Variants in RASAL2 observed in about 807,000 individuals in gnomAD.
RASAL2 encodes the protein ras GTPase-activating protein nGAP.
In RASAL2, 58 loss-of-function variants were observed where a neutral mutation model predicts 128.9. The ratio of observed to expected loss-of-function variants is 0.45; its 90% CI spans 0.36 to 0.56. The LOEUF (loss-of-function observed/expected upper bound fraction) is 0.56. RASAL2 is among the 20% of genes least tolerant of loss of function. The probability of loss-of-function intolerance (pLI) is 0.00; values close to 1 mark genes in which losing one functional copy is unlikely to be tolerated. For synonymous variants in RASAL2, 561 were observed against 580.8 expected, an observed-to-expected ratio of 0.97 and a Z score of 0.49; for missense variants, 1,360 against 1,601.6, an observed-to-expected ratio of 0.85 and a Z score of 2.57.
At chr1:178,426,845 A>C (rs920433456) in intron 5 of RASAL2, among the ~76,000 whole-genome samples, 1 of 152,182 alleles carries the variant, frequency 6.6e-6, no homozygotes, top group African/African-American at 2.4e-5. Flanking sequence ...AGGAGCCTTT[A>C]AACATTTTTG....
intron 1 of RASAL2, among the ~76,000 whole-genome samples, chr1:178,262,257 A>G (rs1665732821): frequency 6.6e-6 from 1 of 152,178 alleles, no homozygotes; most frequent in African/African-American, 2.4e-5. Context: ...AATGCAGGGT[A>G]TTTAAAGTTC....
intron 17 of RASAL2, among the ~76,000 whole-genome samples, chr1:178,471,876 TG>T (rs1162573891): frequency 6.6e-6 from 1 of 152,194 alleles, no homozygotes; most frequent in Non-Finnish European, 1.5e-5. Context: ...GCACCAGCCC[TG>T]AGCCCTGCTA....
chr1:178,096,803 C>G (rs1571465904), intron 1 of RASAL2, among the ~76,000 whole-genome samples: 2 of 151,986 alleles, frequency 1.3e-5, no homozygotes, highest in Non-Finnish European at 2.9e-5. Flanking sequence ...TTGCTACTTT[C>G]CTTCCTCTGA....
At chr1:178,342,481 G>A (rs1669935171) in intron 3 of RASAL2, among the ~76,000 whole-genome samples, 1 of 152,112 alleles carries the variant, frequency 6.6e-6, no homozygotes, top group South Asian at 2.1e-4. Context: ...GAAATCTTAT[G>A]GAGAGGAGGT....
chr1:178,117,108 A>G (rs185209892), intron 1 of RASAL2, among the ~76,000 whole-genome samples: 58 of 152,350 alleles, frequency 3.8e-4, no homozygotes, highest in Admixed American at 3.4e-3. Flanking sequence ...CATATATTGA[A>G]GAACACTTAT....
chr1:178,270,838 A>G (rs2102171151), intron 1 of RASAL2, among the ~76,000 whole-genome samples: 1 of 152,174 alleles, frequency 6.6e-6, no homozygotes, highest in African/African-American at 2.4e-5. Flanking sequence ...TAGTATCTTT[A>G]GTTCTTTTCT....
In RASAL2 at chr1:178,225,521, T is replaced by C. The variant is rs571514675; in HGVS notation, c.203-58043T>C. ...TATACATTTATCTCTTACATTTTTT[T>C]CTTGTCACTGTTATGAATGTAGTAT... On this transcript the variant is annotated intron_variant, in intron 1 of 17. Coordinates refer to ENST00000367649, the MANE Select transcript of RASAL2 (RefSeq NM_170692.4). Among the ~76,000 whole-genome samples the C allele has an allele frequency of 3.3e-5, 5 of 152,142 alleles. 1 individual carries two copies. In the East Asian group the frequency reaches 9.7e-4, roughly 29 times the overall value.
At chr1:178,162,017 T>G (rs1661320374) in intron 1 of RASAL2, among the ~76,000 whole-genome samples, 1 of 150,834 alleles carries the variant, frequency 6.6e-6, no homozygotes, top group Non-Finnish European at 1.5e-5. Flanking sequence ...CAGGCTGGAG[T>G]GCAGTGGTGT....
intron 1 of RASAL2, among the ~76,000 whole-genome samples, chr1:178,224,763 A>G (rs1385990282): frequency 6.6e-6 from 1 of 152,194 alleles, no homozygotes; most frequent in African/African-American, 2.4e-5. Flanking sequence ...AAGTTGTGTC[A>G]TAAAATAGGA....
At chr1:178,464,831 G>GTTTTTTTTTT (rs986789340) in intron 15 of RASAL2, among the ~76,000 whole-genome samples, 1,780 of 38,026 alleles carry the variant, frequency 0.047, 9 homozygotes, top group East Asian at 0.07. Flanking sequence ...GGTTTTAGTT[G>GTTTTTTTTTT]TTTTTTTTTT....
In RASAL2 at chr1:178,443,054, C is replaced by T. The variant is rs776175595; in HGVS notation, c.1307C>T (p.Ser436Leu). The change falls in exon 8 of 18, where the codon TCA becomes TTA. Residue 436 changes from serine to leucine, a missense_variant. Ser to Leu is a moderately radical substitution (Grantham distance 145). This residue lies in a region of RASAL2 where 617 missense variants were observed against 714.2 expected (regional missense o/e 0.86). Coordinates refer to ENST00000367649, the MANE Select transcript of RASAL2 (RefSeq NM_170692.4). ...GGAGGACCTTCTATTCGGATTAAAT[C>T]ACGTTTCCAAACTATCACCATTCTG... ...KTGGPSIRIK[S>L]RFQTITILPM... 6.2e-7 allele frequency: 1 copy of T among 1,614,018 alleles called. No individual in the cohort carries two copies. Among genetic ancestry groups the T allele is most frequent in the African/African-American group, 1.3e-5 (1 of 75,038 alleles).
chr1:178,392,306 G>A (rs1042874295), intron 4 of RASAL2, among the ~76,000 whole-genome samples: 3 of 152,126 alleles, frequency 2.0e-5, no homozygotes, highest in Non-Finnish European at 2.9e-5. Flanking sequence ...ATAATTGACA[G>A]GGGAAGAAAG....
intron 3 of RASAL2, among the ~76,000 whole-genome samples, chr1:178,367,889 TAC>T (rs1349002595): frequency 3.3e-5 from 5 of 152,238 alleles, no homozygotes; most frequent in African/African-American, 1.2e-4. Context: ...ATACATTAAG[TAC>T]TGAAAATATG....
chr1:178,103,554 T>TA (rs1658982225), intron 1 of RASAL2, among the ~76,000 whole-genome samples: 1 of 152,164 alleles, frequency 6.6e-6, no homozygotes, highest in Admixed American at 6.5e-5. Flanking sequence ...ATCTGAAAGG[T>TA]AAAAATGGTG....
chr1:178,304,233 A>T (rs1327790920), intron 3 of RASAL2, among the ~76,000 whole-genome samples: 1 of 152,120 alleles, frequency 6.6e-6, no homozygotes, highest in African/African-American at 2.4e-5. Context: ...GGACTAACGA[A>T]AATCATTAGG....
rs543676005 is a variant in RASAL2, at chr1:178,465,476, T to G, written c.3388-444T>G. 7.2e-5 allele frequency among the ~76,000 whole-genome samples: 11 copies of G among 152,314 alleles called. No homozygotes were observed. In the South Asian group the frequency reaches 2.3e-3, roughly 32 times the overall value. On this transcript the variant is annotated intron_variant, in intron 15 of 17. Transcript: ENST00000367649. ...ACAGTGCAGATGATGACACAGAATC[T>G]TTTTCTCTTATAGACAACTGACTTT... is the stretch of plus-strand genomic sequence containing the variant.
intron 17 of RASAL2, among the ~76,000 whole-genome samples, chr1:178,469,078 G>T (rs1648018398): frequency 6.6e-6 from 1 of 152,236 alleles, no homozygotes; most frequent in South Asian, 2.1e-4. Context: ...CAGGCGGATT[G>T]CTTGAGCTCA....
At chr1:178,104,715 C>T (rs1359285176) in intron 1 of RASAL2, among the ~76,000 whole-genome samples, 1 of 152,070 alleles carries the variant, frequency 6.6e-6, no homozygotes, top group African/African-American at 2.4e-5. Flanking sequence ...ATACCTTAAA[C>T]GTTACTTAGC....
chr1:178,445,784 T>C (rs958780134), intron 9 of RASAL2, 122 bp downstream of exon 9: 4 of 1,045,000 alleles, frequency 3.8e-6, no homozygotes, highest in Non-Finnish European at 5.4e-6. Flanking sequence ...ACTCAGGTGT[T>C]AAGGTTTGAA....
Sources: gnomAD v4.1 joint callset for allele counts (sites outside exome capture counted in the v4.1 genomes callset) on GRCh38, gnomAD v4.1.1 for gene constraint, gnomAD v4.1.1 regional missense constraint, MANE v1.5 for transcripts, NCBI Gene and HGNC (gene_info 2026-07-23, HGNC 2026-07-21) for gene names.